AMD1: variants seen among roughly 807,000 people sequenced by gnomAD.
AMD1 encodes adenosylmethionine decarboxylase 1.
Under a neutral mutation model 40.2 loss-of-function variants are expected in AMD1, and 11 were observed. The ratio of observed to expected loss-of-function variants is 0.27; its 90% CI spans 0.17 to 0.45. The LOEUF is 0.45. Ranked by LOEUF, AMD1 falls within the 20% of genes least tolerant of loss-of-function variation. AMD1 has a pLI of 1.00. For synonymous variants in AMD1, 121 were observed against 130.8 expected (o/e 0.93, Z 0.51); for missense variants, 257 against 410.2 (o/e 0.63, Z 3.23).
the AMD1 span, among the ~76,000 whole-genome samples, chr6:110,823,051 G>A: frequency 6.6e-6 from 1 of 152,144 alleles, no homozygotes. Context: ...GGAGGTGGAG[G>A]TTGTGGCGAG....
intron 1 of AMD1, among the ~76,000 whole-genome samples, chr6:110,887,132 CT>C (rs78833445): frequency 8.6e-5 from 13 of 150,996 alleles, no homozygotes; most frequent in African/African-American, 3.2e-4. Flanking sequence ...TTATGCTCTT[CT>C]TTTTTTTTAA....
At chr6:110,831,632 A>G in the AMD1 span, among the ~76,000 whole-genome samples, 20 of 151,806 alleles carry the variant, frequency 1.3e-4, no homozygotes, top group African/African-American at 4.8e-4. Flanking sequence ...GACCTCTTTG[A>G]TTCTTAAGGC....
upstream of AMD1, among the ~76,000 whole-genome samples, chr6:110,872,550 T>C (rs752172202): frequency 6.6e-6 from 1 of 152,184 alleles, no homozygotes; most frequent in Non-Finnish European, 1.5e-5. Flanking sequence ...TAATGGTAAA[T>C]GTATTTTGGA....
the AMD1 span, chr6:110,858,653 G>C: frequency 1.6e-5 from 20 of 1,224,354 alleles, 1 homozygote; most frequent in South Asian, 1.7e-4. Context: ...GCTGCAGAGC[G>C]GGGTGGACAT....
chr6:110,887,021 G>T (rs1307708276), intron 1 of AMD1, among the ~76,000 whole-genome samples: 1 of 152,082 alleles, frequency 6.6e-6, no homozygotes, highest in Non-Finnish European at 1.5e-5. Flanking sequence ...GCTTGTAATT[G>T]GCAGTCATTC....
At chr6:110,858,867 TG>T in the AMD1 span, 4 of 795,678 alleles carry the variant, frequency 5.0e-6, no homozygotes, top group Admixed American at 3.4e-5. Flanking sequence ...AGCCTCCAGA[TG>T]GGTACAAACA....
the AMD1 span, among the ~76,000 whole-genome samples, chr6:110,830,102 C>T: frequency 6.6e-6 from 1 of 152,114 alleles, no homozygotes; most frequent in East Asian, 1.9e-4. Context: ...GCAACCTCCA[C>T]CTCCTGGGTT....
At chr6:110,859,463 G>A in the AMD1 span, among the ~76,000 whole-genome samples, 2 of 152,188 alleles carry the variant, frequency 1.3e-5, no homozygotes, top group Admixed American at 6.5e-5. Context: ...CCCAGTCCCC[G>A]AAGGTTTCCG....
chr6:110,890,984 A>G (rs994530720), intron 4 of AMD1: 17 of 152,240 alleles, frequency 1.1e-4, no homozygotes, highest in Non-Finnish European at 1.6e-4. Context: ...TGTTTAAATG[A>G]TGGAATTTTA....
chr6:110,890,966 A>G (rs188353641), intron 4 of AMD1: 103 of 152,386 alleles, frequency 6.8e-4, no homozygotes, highest in African/African-American at 2.3e-3. Flanking sequence ...TGTATCATAA[A>G]TCAGTGCTGT....
intron 3 of AMD1, chr6:110,889,735 A>T (rs901102525): frequency 1.3e-5 from 2 of 152,786 alleles, no homozygotes; most frequent in African/African-American, 4.8e-5. Flanking sequence ...GGCGTGAGCC[A>T]CTGCACCCGG....
At chr6:110,843,058 G>A in the AMD1 span, among the ~76,000 whole-genome samples, 1 of 151,092 alleles carries the variant, frequency 6.6e-6, no homozygotes, top group South Asian at 2.1e-4. Context: ...GCTTGTACCT[G>A]GGAGGTAGAG....
At chr6:110,865,316 G>T in the AMD1 span, among the ~76,000 whole-genome samples, 1 of 152,192 alleles carries the variant, frequency 6.6e-6, no homozygotes, top group Non-Finnish European at 1.5e-5. Context: ...TTAAATGTTT[G>T]TATAGATGTA....
intron 2 of AMD1, 24 bp downstream of exon 2, chr6:110,887,615 AG>A (rs1279039721): frequency 6.6e-7 from 1 of 1,520,054 alleles, no homozygotes; most frequent in South Asian, 1.2e-5. Flanking sequence ...AACAAGTGTT[AG>A]GTAGCTAATT....
At chr6:110,865,807 G>A in the AMD1 span, among the ~76,000 whole-genome samples, 5 of 151,392 alleles carry the variant, frequency 3.3e-5, no homozygotes, top group East Asian at 9.7e-4. Flanking sequence ...CTGTTGCCCA[G>A]GCTAGAGTGC....
the AMD1 span, among the ~76,000 whole-genome samples, chr6:110,845,862 T>C: frequency 6.6e-6 from 1 of 152,254 alleles, no homozygotes; most frequent in Non-Finnish European, 1.5e-5. Flanking sequence ...CTATTAGTTC[T>C]GTCCCTATAG....
upstream of AMD1, chr6:110,874,770 T>C (rs184948536): frequency 3.2e-3 from 610 of 190,280 alleles, 2 homozygotes; most frequent in Non-Finnish European, 4.2e-3. Flanking sequence ...AGGGCGGTGC[T>C]CACGCAGCGC....
intron 1 of AMD1, among the ~76,000 whole-genome samples, chr6:110,880,177 G>A (rs1300332516): frequency 6.6e-6 from 1 of 152,164 alleles, no homozygotes; most frequent in Non-Finnish European, 1.5e-5. Flanking sequence ...GGCTGGTCTT[G>A]AACTCCTGAC....
the AMD1 span, among the ~76,000 whole-genome samples, chr6:110,840,238 G>A: frequency 6.6e-6 from 1 of 151,750 alleles, no homozygotes; most frequent in African/African-American, 2.4e-5. Flanking sequence ...CTTTTTTCTT[G>A]GCAATTTTAT....
Sources: gnomAD v4.1 joint callset for allele counts (sites outside exome capture counted in the v4.1 genomes callset) on GRCh38, gnomAD v4.1.1 for gene constraint, MANE v1.5 for transcripts, NCBI Gene and HGNC (gene_info 2026-07-23, HGNC 2026-07-21) for gene names.